The following SGK3 variants were observed in gnomAD, a reference collection of about 807,000 sequenced individuals.
SGK3 encodes serum/glucocorticoid regulated kinase family member 3.
A neutral mutation model predicts 68.5 loss-of-function variants in SGK3; 47 were observed. The observed-to-expected ratio is 0.69, with a 90% CI of 0.54 to 0.87. The LOEUF (loss-of-function observed/expected upper bound fraction) is 0.87, where lower values mean the gene tolerates loss of function less well. Among genes scored for constraint, SGK3 ranks in the 40% least tolerant of loss-of-function variants. SGK3 has a pLI of 0.00. For missense variants in SGK3, 479 were observed against 575.5 expected, an observed-to-expected ratio of 0.83 and a Z score of 1.72; for synonymous variants, 181 against 189.1, an observed-to-expected ratio of 0.96 and a Z score of 0.35.
At chr8:66,718,824 G>A (rs1017211798) in intron 1 of SGK3, among the ~76,000 whole-genome samples, 5 of 152,000 alleles carry the variant, frequency 3.3e-5, no homozygotes, top group Admixed American at 6.6e-5. Context: ...CACCGTGCCC[G>A]GCCACATGTA....
chr8:66,807,976 A>C (rs1387225527), intron 4 of SGK3, among the ~76,000 whole-genome samples: 2 of 152,210 alleles, frequency 1.3e-5, no homozygotes, highest in Admixed American at 1.3e-4. Flanking sequence ...ATATACCATT[A>C]AATGGAAAAA....
At chr8:66,854,900 G>T (rs1214174303) in intron 16 of SGK3, among the ~76,000 whole-genome samples, 1 of 151,986 alleles carries the variant, frequency 6.6e-6, no homozygotes, top group African/African-American at 2.4e-5. Flanking sequence ...TGTAATCCCA[G>T]TACTTTGGGA....
At chr8:66,741,377 C>T (rs1232626380) in intron 1 of SGK3, among the ~76,000 whole-genome samples, 1 of 152,054 alleles carries the variant, frequency 6.6e-6, no homozygotes, top group Non-Finnish European at 1.5e-5. Context: ...TAGTGAAACC[C>T]TGTCTCTACC....
At chr8:66,780,925 A>G (rs1209786318) in intron 1 of SGK3, among the ~76,000 whole-genome samples, 1 of 152,198 alleles carries the variant, frequency 6.6e-6, no homozygotes, top group Non-Finnish European at 1.5e-5. Flanking sequence ...GGTTCTCCCA[A>G]GAGACTCTAT....
chr8:66,837,219 C>T (rs898682520), intron 10 of SGK3, among the ~76,000 whole-genome samples: 2 of 152,156 alleles, frequency 1.3e-5, no homozygotes, highest in Non-Finnish European at 2.9e-5. Flanking sequence ...TCAACCCTCA[C>T]ACCTTTCTAA....
chr8:66,735,447 A>G (rs1009699063), intron 1 of SGK3, among the ~76,000 whole-genome samples: 4 of 152,214 alleles, frequency 2.6e-5, no homozygotes, highest in African/African-American at 4.8e-5. Context: ...GTCTCTTCTC[A>G]TGCGCTTTTA....
intron 1 of SGK3, among the ~76,000 whole-genome samples, chr8:66,757,125 C>T (rs1585673984): frequency 6.7e-6 from 1 of 149,002 alleles, no homozygotes; most frequent in Middle Eastern, 3.5e-3. Flanking sequence ...ACTACTCAGG[C>T]CCTATTTTTT....
intron 1 of SGK3, among the ~76,000 whole-genome samples, chr8:66,773,056 G>C (rs1034345567): frequency 6.6e-6 from 1 of 152,310 alleles, no homozygotes; most frequent in South Asian, 2.1e-4. Context: ...AGTCAAGACC[G>C]GTAGCTAGGA....
chr8:66,756,899 C>A (rs909220689), intron 1 of SGK3, among the ~76,000 whole-genome samples: 1 of 151,886 alleles, frequency 6.6e-6, no homozygotes, highest in South Asian at 2.1e-4. Flanking sequence ...CCAGCATCAA[C>A]TATTTTTAAA....
At chr8:66,720,668 G>T (rs1804769017) in intron 1 of SGK3, among the ~76,000 whole-genome samples, 1 of 151,918 alleles carries the variant, frequency 6.6e-6, no homozygotes, top group Non-Finnish European at 1.5e-5. Flanking sequence ...TTCTTGGGAG[G>T]CTGAGGCAAG....
chr8:66,777,229 T>C (rs1433616654), intron 1 of SGK3, among the ~76,000 whole-genome samples: 2 of 152,226 alleles, frequency 1.3e-5, no homozygotes, highest in African/African-American at 4.8e-5. Flanking sequence ...CTATTTAAAA[T>C]TGCATACAAC....
At chr8:66,829,298 A>T (rs1809203107) in intron 7 of SGK3, among the ~76,000 whole-genome samples, 1 of 151,680 alleles carries the variant, frequency 6.6e-6, no homozygotes, top group Non-Finnish European at 1.5e-5. Context: ...TTACAGGCGT[A>T]TTACATTTAC....
chr8:66,833,104 C>T (rs959958626), intron 8 of SGK3, among the ~76,000 whole-genome samples: 3 of 152,048 alleles, frequency 2.0e-5, no homozygotes, highest in Admixed American at 6.6e-5. Flanking sequence ...ATCCCAGCTT[C>T]AAGCAATTCT....
intron 1 of SGK3, among the ~76,000 whole-genome samples, chr8:66,782,797 A>G (rs145846148): frequency 3.3e-5 from 5 of 152,264 alleles, no homozygotes; most frequent in African/African-American, 1.2e-4. Flanking sequence ...ATGTCTTGTT[A>G]TGGCTGGATA....
chr8:66,729,380 A>G (rs1021198303), intron 1 of SGK3, among the ~76,000 whole-genome samples: 3 of 147,142 alleles, frequency 2.0e-5, no homozygotes, highest in East Asian at 4.1e-4. Context: ...GGCGTGAACC[A>G]GGGAGGTGGA....
chr8:66,842,735 C>T (rs1472373897), intron 13 of SGK3, among the ~76,000 whole-genome samples: 1 of 151,976 alleles, frequency 6.6e-6, no homozygotes, highest in Non-Finnish European at 1.5e-5. Context: ...GCAATTCTTT[C>T]TTTTTTACTG....
At chr8:66,809,916 G>A (rs4534119) in intron 4 of SGK3, among the ~76,000 whole-genome samples, 4,747 of 152,268 alleles carry the variant, frequency 0.031, 85 homozygotes, top group Admixed American at 0.044. Context: ...GGCTTTGCGT[G>A]TCCTTACACC....
At chr8:66,832,747 A>G (rs1585785165) in intron 8 of SGK3, among the ~76,000 whole-genome samples, 1 of 152,256 alleles carries the variant, frequency 6.6e-6, no homozygotes, top group African/African-American at 2.4e-5. Flanking sequence ...TCAAAAAAAA[A>G]AAAAGTCATT....
At chr8:66,840,824 C>G (rs1170880184) in intron 12 of SGK3, 200 bp from the exon 13 acceptor site, 2 of 328,920 alleles carry the variant, frequency 6.1e-6, no homozygotes, top group East Asian at 1.0e-4. Flanking sequence ...CGCCTGTGGT[C>G]CCAGCTACTC....
Sources: gnomAD v4.1 joint callset for allele counts (sites outside exome capture counted in the v4.1 genomes callset) on GRCh38, gnomAD v4.1.1 for gene constraint, MANE v1.5 for transcripts, NCBI Gene and HGNC (gene_info 2026-07-23, HGNC 2026-07-21) for gene names.